Variants in L3HYPDH observed in about 807,000 individuals in gnomAD.
L3HYPDH encodes trans-L-3-hydroxyproline dehydratase.
A neutral mutation model predicts 26.5 loss-of-function variants in L3HYPDH; 32 were observed. The ratio of observed to expected loss-of-function variants is 1.21; its 90% CI spans 0.91 to 1.62. L3HYPDH has a LOEUF of 1.62. Among genes scored for constraint, L3HYPDH ranks in the 40% most tolerant of loss-of-function variants. L3HYPDH has a pLI of 0.00. For missense variants in L3HYPDH, 554 were observed against 476.4 expected (o/e 1.16, Z -1.52); for synonymous variants, 215 against 196.6 (o/e 1.09, Z -0.78).
At chr14:59,485,321 T>A, upstream of L3HYPDH, 3 of 489,120 alleles carry the variant, frequency 6.1e-6, no homozygotes, top group Non-Finnish European at 1.0e-5. Flanking sequence ...TTTAGAACAT[T>A]GTGATTACAA....
At chr14:59,495,542 T>TC in the L3HYPDH span, among the ~76,000 whole-genome samples, 3 of 152,206 alleles carry the variant, frequency 2.0e-5, no homozygotes, top group African/African-American at 7.2e-5. Flanking sequence ...TTTCTTTTTT[T>TC]CTCCCCAAAT....
the L3HYPDH span, chr14:59,498,936 A>G: frequency 2.2e-6 from 3 of 1,376,356 alleles, no homozygotes; most frequent in Admixed American, 6.4e-5. Context: ...AGTCAATGAA[A>G]TATATTTATT....
In L3HYPDH at chr14:59,479,317, C is replaced by T. The variant is rs751687274; in HGVS notation, c.543G>A (p.Val181=). 31 of 1,612,946 alleles carry T rather than the reference C, an allele frequency of 1.9e-5. No individual in the cohort carries two copies. Among genetic ancestry groups the T allele is most frequent in the South Asian group, 7.7e-5 (7 of 90,738 alleles). Residue 181 remains valine (V), a synonymous_variant, in exon 2 of 5, where the codon GTG becomes GTA. Coordinates refer to ENST00000247194, the MANE Select transcript of L3HYPDH (RefSeq NM_144581.2). ...CACCGCCATATGCAATGTCCACCAT[C>T]ACCTTTCCATGTCCAGGAACATCCA... ...LMVDVPGHGK[V]MVDIAYGGAF...
chr14:59,478,977 C>T (rs771764938), intron 2 of L3HYPDH: 7 of 429,542 alleles, frequency 1.6e-5, no homozygotes, highest in Non-Finnish European at 2.4e-5. Context: ...TGTTGGGCCA[C>T]ATTCAAAGCC....
chr14:59,503,711 T>G, the L3HYPDH span: 4 of 614,326 alleles, frequency 6.5e-6, no homozygotes, highest in Admixed American at 1.3e-4. Context: ...GACTGAGTGA[T>G]TTCTTAAGTC....
In L3HYPDH at chr14:59,483,806, T is replaced by A; in HGVS notation, c.508+3A>T. On this transcript the variant is annotated splice_donor_region_variant and intron_variant, in intron 1 of 4. Coordinates refer to ENST00000247194, the MANE Select transcript of L3HYPDH (RefSeq NM_144581.2). Reference sequence around the variant, plus strand: ...CCTGGGCTGGAAAGGTCCCGCCCATTACCTGTGGCCAGCACGAAGGCCGGG... The same window carrying A: ...CCTGGGCTGGAAAGGTCCCGCCCATAACCTGTGGCCAGCACGAAGGCCGGG... 1 of 1,592,944 alleles carries A rather than the reference T, an allele frequency of 6.3e-7. No homozygotes were observed. Among genetic ancestry groups the A allele is most frequent in the Non-Finnish European group, 8.5e-7 (1 of 1,177,030 alleles).
upstream of L3HYPDH, among the ~76,000 whole-genome samples, chr14:59,488,199 A>G (rs1890724792): frequency 6.6e-6 from 1 of 152,024 alleles, no homozygotes; most frequent in Non-Finnish European, 1.5e-5. Context: ...TAAAAATGAT[A>G]TAGCTGTAAC....
At chr14:59,478,296 G>A (rs1222161911) in intron 2 of L3HYPDH, among the ~76,000 whole-genome samples, 1 of 152,178 alleles carries the variant, frequency 6.6e-6, no homozygotes, top group East Asian at 1.9e-4. Context: ...AGGTGTGGTG[G>A]CTCACACCTG....
chr14:59,494,701 TAACA>T, the L3HYPDH span, among the ~76,000 whole-genome samples: 53 of 152,300 alleles, frequency 3.5e-4, no homozygotes, highest in African/African-American at 9.6e-4. Flanking sequence ...CTATACTTTC[TAACA>T]AACACGTTAC....
intron 1 of L3HYPDH, among the ~76,000 whole-genome samples, chr14:59,466,204 T>C (rs905275287): frequency 2.0e-5 from 3 of 152,182 alleles, no homozygotes; most frequent in African/African-American, 7.2e-5. Context: ...CTAGCAGCCT[T>C]CATCTGTTCT....
the L3HYPDH span, among the ~76,000 whole-genome samples, chr14:59,495,958 G>A: frequency 6.6e-6 from 1 of 152,202 alleles, no homozygotes; most frequent in South Asian, 2.1e-4. Context: ...CTGGAGTGCA[G>A]TGGCACGAGA....
chr14:59,483,855 GT>G lies in L3HYPDH; in HGVS notation c.461del (p.His154ProfsTer28). The G allele has an allele frequency of 6.3e-7, 1 of 1,586,418 alleles. No homozygotes were observed. The highest frequency in any genetic ancestry group is 8.5e-7 in the Non-Finnish European group (1 of 1,173,522). On this transcript the variant is annotated frameshift_variant, in exon 1 of 5. Coordinates refer to ENST00000247194, the MANE Select transcript of L3HYPDH (RefSeq NM_144581.2). LOFTEE classifies it high-confidence loss of function. ...AFVACEDGRS[H>X]GPVRFHSVPA... ...GGACGCTGTGGAAGCGCACCGGTCCGTGGCTGCGGCCGTCCTCGCATGCCAC... is the reference window on the plus strand; with the variant it reads ...GGACGCTGTGGAAGCGCACCGGTCCGGGCTGCGGCCGTCCTCGCATGCCAC...
the L3HYPDH span, among the ~76,000 whole-genome samples, chr14:59,493,760 G>T: frequency 6.6e-6 from 1 of 152,050 alleles, no homozygotes; most frequent in African/African-American, 2.4e-5. Flanking sequence ...AGAGCAAAGG[G>T]CCAGGAATAG....
Position 59,482,250 on chromosome 14 carries a change from T to C in L3HYPDH, c.508+1559A>G, listed in dbSNP as rs114882280. Among the ~76,000 whole-genome samples the C allele has an allele frequency of 3.9e-3, 594 of 152,316 alleles. 3 individuals are homozygous for C. The highest frequency in any genetic ancestry group is 0.013 in the African/African-American group (557 of 41,572). On this transcript the variant is annotated intron_variant, in intron 1 of 4. Transcript: ENST00000247194. ...ACTGAGATGGGGAGAGGTGGGGCAG[T>C]GACCTTGAACACTATGTCTGCCTTG...
the L3HYPDH span, among the ~76,000 whole-genome samples, chr14:59,498,098 A>C: frequency 6.6e-6 from 1 of 152,220 alleles, no homozygotes; most frequent in African/African-American, 2.4e-5. Context: ...ATAAAAGCAC[A>C]CACAGAATAA....
chr14:59,494,545 G>A, the L3HYPDH span, among the ~76,000 whole-genome samples: 1 of 152,120 alleles, frequency 6.6e-6, no homozygotes, highest in Non-Finnish European at 1.5e-5. Context: ...AAAACTTTCT[G>A]GAAAAAAGTG....
the L3HYPDH span, among the ~76,000 whole-genome samples, chr14:59,499,574 A>C: frequency 6.6e-6 from 1 of 152,208 alleles, no homozygotes; most frequent in African/African-American, 2.4e-5. Context: ...AACCTCACTT[A>C]CTACCAGGAG....
At position 59,483,874 on chromosome 14, in the gene L3HYPDH, C is replaced by T. The variant is rs1191543470; in HGVS notation, c.443G>A (p.Cys148Tyr). 6.3e-7 allele frequency: 1 copy of T among 1,579,292 alleles called. No individual in the cohort carries two copies. Among genetic ancestry groups the T allele is most frequent in the Non-Finnish European group, 8.5e-7 (1 of 1,169,802 alleles). The change falls in exon 1 of 5, where the codon TGC becomes TAC. Residue 148 changes from cysteine (C) to tyrosine (Y), a missense_variant. Coordinates refer to ENST00000247194, the MANE Select transcript of L3HYPDH (RefSeq NM_144581.2). The part of the protein sequence containing the change: ...PCGLVTAFVA[C>Y]EDGRSHGPVR... ...CGGTCCGTGGCTGCGGCCGTCCTCG[C>T]ATGCCACGAAGGCGGTCACCAGCCC...
rs763928993 is a variant in L3HYPDH at position 59,484,343 on chromosome 14, G to A, written c.-27C>T. 1 of 1,557,068 alleles carries A rather than the reference G, an allele frequency of 6.4e-7. No homozygotes were observed. The highest frequency in any genetic ancestry group is 8.6e-7 in the Non-Finnish European group (1 of 1,156,874). ...GTCTGCGTCGGGGGAGACGAGTACG[G>A]TCCCGCAGCTATGGCTTCAAGCCCG... On this transcript the variant is annotated 5_prime_UTR_variant, in exon 1 of 5. Transcript: ENST00000247194.
Sources: allele counts gnomAD v4.1 joint callset (sites outside exome capture counted in the v4.1 genomes callset), GRCh38; gene constraint gnomAD v4.1.1; transcripts MANE v1.5; gene names NCBI Gene and HGNC (gene_info 2026-07-23, HGNC 2026-07-21).